The following CHFR variants were observed in gnomAD, a reference collection of about 807,000 sequenced individuals.
CHFR encodes E3 ubiquitin-protein ligase CHFR.
CHFR carries 57 observed loss-of-function variants against 87.6 expected under a neutral mutation model. The ratio of observed to expected loss-of-function variants is 0.65; its 90% confidence interval spans 0.53 to 0.81. The LOEUF (loss-of-function observed/expected upper bound fraction) is 0.81. Among genes scored for constraint, CHFR ranks in the 30% least tolerant of loss-of-function variants. CHFR has a pLI of 0.00. For synonymous variants in CHFR, 381 were observed against 359.2 expected (o/e 1.06, Z -0.69); for missense variants, 797 against 865.8 (o/e 0.92, Z 1.00).
At chr12:132,885,418 A>G (rs1249678359) in intron 2 of CHFR, among the ~76,000 whole-genome samples, 1 of 103,104 alleles carries the variant, frequency 9.7e-6, no homozygotes, top group Non-Finnish European at 2.1e-5. Context: ...CTCAAAAAAT[A>G]TATAAATAAA....
intron 6 of CHFR, chr12:132,866,720 G>C (rs1951353652): frequency 6.6e-6 from 1 of 152,198 alleles, no homozygotes; most frequent in South Asian, 2.1e-4. Flanking sequence ...CAACACATTG[G>C]AATGTTACAG....
intron 2 of CHFR, among the ~76,000 whole-genome samples, chr12:132,883,797 C>A (rs937393482): frequency 8.5e-5 from 13 of 152,140 alleles, no homozygotes; most frequent in African/African-American, 2.9e-4. Flanking sequence ...TTATAAATGG[C>A]AGGCACATCA....
At chr12:132,869,909 A>G (rs762370690) in intron 5 of CHFR, 111 bp from the exon 6 acceptor site, 10 of 1,279,390 alleles carry the variant, frequency 7.8e-6, no homozygotes, top group Non-Finnish European at 1.1e-5. Context: ...AATGCTCTTA[A>G]GAATGCAACA....
intron 12 of CHFR, chr12:132,849,421 C>T (rs989327970): frequency 3.9e-5 from 6 of 152,186 alleles, no homozygotes; most frequent in East Asian, 1.9e-4. Flanking sequence ...GCACTGCACC[C>T]GGCCTCAGAC....
In CHFR at chr12:132,833,096, A is replaced by G. The variant is rs1950626955; in HGVS notation, c.*8458T>C. Reference sequence around the variant, plus strand: ...CGCTGCACGATACTCCAGTGTCTGGATACACCCATTTTGTCTGTCCATGCA... The same window carrying G: ...CGCTGCACGATACTCCAGTGTCTGGGTACACCCATTTTGTCTGTCCATGCA... On this transcript the variant is annotated 3_prime_UTR_variant, in exon 18 of 18. Transcript: ENST00000450056. 6.6e-6 allele frequency: 1 copy of G among 152,184 alleles called. No homozygotes were observed. Among genetic ancestry groups the G allele is most frequent in the Non-Finnish European group, 1.5e-5 (1 of 68,040 alleles). 9.4% of individuals were successfully genotyped at this position (152,184 alleles called of 1,614,324 possible).
At position 132,875,947 on chromosome 12, in the gene CHFR, G is replaced by A. The variant is rs1951622549; in HGVS notation, c.233+1608C>T. ...CCCAGCACTTTGGGAGGCTGAGGCA[G>A]GCAGATCACCTGAGATCAGGAGTTC... On this transcript the variant is annotated intron_variant, in intron 3 of 17. Coordinates refer to ENST00000450056, the MANE Select transcript of CHFR (RefSeq NM_001161346.2). Among the ~76,000 whole-genome samples the A allele has an allele frequency of 3.3e-5, 5 of 152,300 alleles. No homozygotes were observed. In the South Asian group the frequency reaches 8.3e-4, roughly 25 times the overall value.
intron 3 of CHFR, among the ~76,000 whole-genome samples, chr12:132,876,418 T>A (rs1264440663): frequency 6.6e-6 from 1 of 152,176 alleles, no homozygotes; most frequent in Non-Finnish European, 1.5e-5. Context: ...ATTTCAGAAT[T>A]TTGATTCAGA....
Position 132,887,232 on chromosome 12 carries a change from G to A in CHFR, c.97C>T (p.Leu33=), listed in dbSNP as rs558346895. 47 of 1,504,216 alleles carry A rather than the reference G, an allele frequency of 3.1e-5. 1 individual carries two copies. Among genetic ancestry groups the A allele is most frequent in the South Asian group, 3.1e-4 (25 of 81,238 alleles). The allele number at this position is 1,504,216 out of a possible 1,614,324, so 93.2% of individuals were successfully genotyped here. ...CCGATGGTCCACTCCCGCTTCCTCA[G>A]GAGGACGTGCGGCTCGCCCTCCTCC... is the stretch of plus-strand genomic sequence containing the variant. The part of the protein sequence containing the change: ...GAEEGEPHVL[L]RKREWTIGRR... The change falls in exon 2 of 18, where the codon CTG becomes TTG. Residue 33 remains leucine, a synonymous_variant. Coordinates refer to ENST00000450056, the MANE Select transcript of CHFR (RefSeq NM_001161346.2).
chr12:132,844,127 T>A lies in CHFR; in HGVS notation c.1743A>T (p.Arg581Ser). The A allele has an allele frequency of 6.2e-7, 1 of 1,610,220 alleles. No individual in the cohort carries two copies. The highest frequency in any genetic ancestry group is 8.5e-7 in the Non-Finnish European group (1 of 1,177,204). Residue 581 changes from arginine to serine, a missense_variant, in exon 16 of 18, where the codon AGA (arginine) becomes AGT (serine). Around this residue, in one of 2 missense-constraint regions of CHFR, gnomAD observed 200 missense variants for 264.6 expected, o/e 0.76. Coordinates refer to ENST00000450056, the MANE Select transcript of CHFR (RefSeq NM_001161346.2). ...AACACAGAACGGTGTCTCCCGTGAC[T>A]CTGTAATCTGGAAGAAACACAGCCA... ...QRGVFLLSDY[R>S]VTGDTVLCYC... is the part of the protein sequence containing the mutation.
At chr12:132,880,010 T>C (rs894126568) in intron 2 of CHFR, among the ~76,000 whole-genome samples, 2 of 152,202 alleles carry the variant, frequency 1.3e-5, no homozygotes, top group Non-Finnish European at 1.5e-5. Flanking sequence ...GATTGTTTCA[T>C]ACATTCAATG....
intron 2 of CHFR, among the ~76,000 whole-genome samples, chr12:132,879,159 C>T (rs1951708130): frequency 6.6e-6 from 1 of 151,414 alleles, no homozygotes; most frequent in Admixed American, 6.6e-5. Context: ...CATGCGCCAC[C>T]ATACCCAGCT....
intron 6 of CHFR, among the ~76,000 whole-genome samples, chr12:132,862,884 C>T (rs1465282646): frequency 6.7e-6 from 1 of 150,004 alleles, no homozygotes; most frequent in African/African-American, 2.5e-5. Context: ...CTGGCCAAGA[C>T]CTCATTTCTT....
At chr12:132,887,492 C>A (rs1167269254) in intron 1 of CHFR, 55 bp downstream of exon 1, 3 of 313,906 alleles carry the variant, frequency 9.6e-6, no homozygotes, top group Admixed American at 6.6e-5. Flanking sequence ...CTCCCACGGC[C>A]GCAACCAGGT....
At chr12:132,874,708 G>T (rs1365886738) in intron 3 of CHFR, among the ~76,000 whole-genome samples, 2 of 136,026 alleles carry the variant, frequency 1.5e-5, no homozygotes, top group African/African-American at 5.6e-5. Context: ...CCAGGCCCCG[G>T]AACAGGCAGG....
At chr12:132,857,898 G>A (rs1218912006) in intron 8 of CHFR, among the ~76,000 whole-genome samples, 1 of 152,222 alleles carries the variant, frequency 6.6e-6, no homozygotes, top group Admixed American at 6.5e-5. Context: ...TTCATTCTAT[G>A]CGAAATACAC....
intron 7 of CHFR, 71 bp from the exon 8 acceptor site, chr12:132,859,298 G>A (rs193118310): frequency 7.1e-6 from 10 of 1,410,952 alleles, no homozygotes; most frequent in East Asian, 2.4e-5. Flanking sequence ...CAAGGTCCCC[G>A]TCCACAGGAG....
At position 132,877,610 on chromosome 12, in the gene CHFR, G is replaced by C. The variant is rs756177652; in HGVS notation, c.178C>G (p.His60Asp). The C allele has an allele frequency of 3.7e-6, 6 of 1,613,568 alleles. No homozygotes were observed. In the East Asian group the frequency reaches 1.3e-4, roughly 36 times the overall value. Residue 60 changes from histidine (H) to aspartate (D), a missense_variant, in exon 3 of 18, where the codon CAC becomes GAC. His to Asp is a moderately conservative substitution (Grantham distance 81). Transcript: ENST00000450056. Reference sequence around the variant, plus strand: ...TTTTCATCCACTACAATTCTACAGTGATCTCCAGAGACCAGTTTATTGCTG... The same window carrying C: ...TTTTCATCCACTACAATTCTACAGTCATCTCCAGAGACCAGTTTATTGCTG... Reference protein sequence around the residue: ...FPSNKLVSGDHCRIVVDEKSG... With the variant: ...FPSNKLVSGDDCRIVVDEKSG...
chr12:132,856,455 G>A lies in CHFR; in HGVS notation c.1229+13C>T, dbSNP rs372386886. 1.9e-6 allele frequency: 3 copies of A among 1,613,444 alleles called. No individual in the cohort carries two copies. The highest frequency in any genetic ancestry group is 2.2e-5 in the South Asian group (2 of 91,058). ...GCTCACACACTCTGCTCTGAGCCAG[G>A]GGCATGATTTACCTAATGTCTGAGG... is the stretch of plus-strand genomic sequence containing the variant. On this transcript the variant is annotated intron_variant, in intron 10 of 17. Coordinates refer to ENST00000450056, the MANE Select transcript of CHFR (RefSeq NM_001161346.2).
intron 10 of CHFR, chr12:132,854,400 C>T (rs1016383550): frequency 6.6e-6 from 1 of 152,240 alleles, no homozygotes; most frequent in Non-Finnish European, 1.5e-5. Flanking sequence ...TGCTTCACGT[C>T]TAAACATTGA....
Sources: gnomAD v4.1 joint callset for allele counts (sites outside exome capture counted in the v4.1 genomes callset) on GRCh38, gnomAD v4.1.1 for gene constraint, gnomAD v4.1.1 regional missense constraint, MANE v1.5 for transcripts, NCBI Gene and HGNC (gene_info 2026-07-23, HGNC 2026-07-21) for gene names.